Variants in GAD2 observed in about 807,000 individuals in gnomAD.
GAD2 encodes the protein 65 kDa glutamic acid decarboxylase.
A neutral mutation model predicts 80.1 loss-of-function variants in GAD2; 22 were observed. That is an observed-to-expected ratio of 0.27 (90% confidence interval 0.20 to 0.39). The LOEUF (loss-of-function observed/expected upper bound fraction) is 0.39, where lower values mean the gene tolerates loss of function less well. Among genes scored for constraint, GAD2 ranks in the 10% least tolerant of loss-of-function variants. GAD2 has a pLI of 1.00. For synonymous variants in GAD2, 274 were observed against 256.9 expected (o/e 1.07, Z -0.64); for missense variants, 624 against 738.4 (o/e 0.85, Z 1.80).
intron 7 of GAD2, among the ~76,000 whole-genome samples, chr10:26,243,040 A>AAAG (rs138127661): frequency 0.17 from 25,353 of 151,140 alleles, 3,244 homozygotes; most frequent in African/African-American, 0.37. Context: ...AATGCACAAA[A>AAAG]AACCCCCCCC....
intron 10 of GAD2, among the ~76,000 whole-genome samples, chr10:26,272,845 C>G (rs1845151879): frequency 6.6e-6 from 1 of 152,110 alleles, no homozygotes; most frequent in Non-Finnish European, 1.5e-5. Context: ...GCCTGGGCAA[C>G]AAGAGCAAAA....
chr10:26,274,869 G>T (rs1845180231), intron 11 of GAD2, among the ~76,000 whole-genome samples: 1 of 152,232 alleles, frequency 6.6e-6, no homozygotes, highest in African/African-American at 2.4e-5. Flanking sequence ...ATGTCAGAAG[G>T]GTCACTGTCC....
chr10:26,264,591 T>C (rs1321596396), intron 8 of GAD2, among the ~76,000 whole-genome samples: 1 of 152,134 alleles, frequency 6.6e-6, no homozygotes, highest in African/African-American at 2.4e-5. Context: ...ATAACAGGCG[T>C]GGAGCCACCA....
At chr10:26,233,835 G>A (rs1034317065) in intron 7 of GAD2, among the ~76,000 whole-genome samples, 17 of 152,266 alleles carry the variant, frequency 1.1e-4, no homozygotes, top group Middle Eastern at 3.4e-3. Flanking sequence ...TAATGGAGGG[G>A]CTGCTGTGTT....
chr10:26,286,567 CA>C, intron 13 of GAD2, 73 bp downstream of exon 13: 1 of 1,392,900 alleles, frequency 7.2e-7, no homozygotes, highest in Non-Finnish European at 9.5e-7. Context: ...TATGAAATGT[CA>C]AAAAAGTGAT....
rs986002005 is a variant in GAD2, at chr10:26,299,097, T to G, written c.1585-1691T>G. ...TGCTGGAATCATCCACGTTCATTTTTAGAGAAGGAAATTAGGTTCAGAATG... is the reference window on the plus strand; with the variant it reads ...TGCTGGAATCATCCACGTTCATTTTGAGAGAAGGAAATTAGGTTCAGAATG... On this transcript the variant is annotated intron_variant, in intron 15 of 15. Coordinates refer to ENST00000376261, the MANE Select transcript of GAD2 (RefSeq NM_001134366.2). Among the ~76,000 whole-genome samples the G allele has an allele frequency of 2.2e-4, 33 of 152,152 alleles. 1 individual carries two copies. The highest frequency in any genetic ancestry group is 8.0e-4 in the African/African-American group (33 of 41,448).
intron 8 of GAD2, among the ~76,000 whole-genome samples, chr10:26,255,213 C>T (rs1304594349): frequency 1.3e-5 from 2 of 152,114 alleles, no homozygotes; most frequent in East Asian, 1.9e-4. Flanking sequence ...ACCGGGGCCA[C>T]GAGGGCCATG....
chr10:26,288,282 T>C (rs1344923374), intron 13 of GAD2, among the ~76,000 whole-genome samples: 1 of 152,204 alleles, frequency 6.6e-6, no homozygotes, highest in Non-Finnish European at 1.5e-5. Flanking sequence ...CAGGGAAGCC[T>C]CCTTAATACT....
At chr10:26,219,966 A>T (rs1378337043) in intron 4 of GAD2, among the ~76,000 whole-genome samples, 1 of 152,058 alleles carries the variant, frequency 6.6e-6, no homozygotes, top group Non-Finnish European at 1.5e-5. Context: ...TTAGGGGGAA[A>T]TTTTTTTAAA....
chr10:26,229,330 C>T (rs1844569360), intron 6 of GAD2, among the ~76,000 whole-genome samples: 1 of 151,472 alleles, frequency 6.6e-6, no homozygotes, highest in African/African-American at 2.4e-5. Context: ...GAATTTTACA[C>T]ACCTAGTGCA....
chr10:26,223,783 T>C (rs1322716471), intron 4 of GAD2, 104 bp from the exon 5 acceptor site: 2 of 706,106 alleles, frequency 2.8e-6, no homozygotes, highest in African/African-American at 3.5e-5. Context: ...GATTTCCTGT[T>C]ACTGACAGAT....
intron 4 of GAD2, 114 bp from the exon 5 acceptor site, chr10:26,223,773 G>C (rs957020872): frequency 3.1e-6 from 2 of 636,204 alleles, no homozygotes; most frequent in Non-Finnish European, 5.6e-6. Context: ...TCTACTTATG[G>C]ATTTCCTGTT....
At position 26,302,445 on chromosome 10, in the gene GAD2, T is replaced by A. The variant is rs369992086; in HGVS notation, c.*1484T>A. On this transcript the variant is annotated 3_prime_UTR_variant, in exon 16 of 16. Coordinates refer to ENST00000376261, the MANE Select transcript of GAD2 (RefSeq NM_001134366.2). ...TCCCTGTGAACCTGATAGAAAAACATGAGCTAACAAAAGCTTCCATAGATA... is the reference window on the plus strand; with the variant it reads ...TCCCTGTGAACCTGATAGAAAAACAAGAGCTAACAAAAGCTTCCATAGATA... 18 of 152,312 alleles carry A rather than the reference T, an allele frequency of 1.2e-4. 1 individual carries two copies. The South Asian group carries it at 1.9e-3, about 16-fold the overall frequency. 9.4% of individuals were successfully genotyped at this position (152,312 alleles called of 1,614,324 possible). A position where few individuals can be genotyped will look rare whatever the true frequency, so the allele number is the denominator to read the frequency against.
chr10:26,223,801 G>A, intron 4 of GAD2, 86 bp from the exon 5 acceptor site: 1 of 826,074 alleles, frequency 1.2e-6, no homozygotes, highest in South Asian at 1.7e-5. Context: ...GATCTTTCAA[G>A]GTCCTTTAGC....
chr10:26,236,434 G>A (rs1844673091), intron 7 of GAD2, among the ~76,000 whole-genome samples: 1 of 151,772 alleles, frequency 6.6e-6, no homozygotes, highest in Admixed American at 6.6e-5. Context: ...CCAAGTAGCT[G>A]GAATTACAGG....
At chr10:26,230,116 C>T (rs567566323) in intron 7 of GAD2, among the ~76,000 whole-genome samples, 2 of 151,924 alleles carry the variant, frequency 1.3e-5, no homozygotes, top group Non-Finnish European at 2.9e-5. Context: ...TGCAGTGAGC[C>T]GTGATTGCAC....
At chr10:26,270,260 T>C (rs1564667452) in intron 9 of GAD2, among the ~76,000 whole-genome samples, 1 of 152,224 alleles carries the variant, frequency 6.6e-6, no homozygotes, top group Non-Finnish European at 1.5e-5. Flanking sequence ...AGGGGATTTA[T>C]GAAGTTCAGA....
At chr10:26,236,688 T>C (rs1844676627) in intron 7 of GAD2, among the ~76,000 whole-genome samples, 1 of 152,242 alleles carries the variant, frequency 6.6e-6, no homozygotes, top group South Asian at 2.1e-4. Context: ...AACAGTGACC[T>C]GTTTGGAAAC....
At chr10:26,224,493 T>C (rs769776921) in intron 5 of GAD2, 46 bp from the exon 6 acceptor site, 2 of 1,087,128 alleles carry the variant, frequency 1.8e-6, no homozygotes, top group East Asian at 2.4e-5. Context: ...TTGTAAATTA[T>C]TTATCTGAGT....
Sources: allele counts gnomAD v4.1 joint callset (sites outside exome capture counted in the v4.1 genomes callset), GRCh38; gene constraint gnomAD v4.1.1; transcripts MANE v1.5; gene names NCBI Gene and HGNC (gene_info 2026-07-23, HGNC 2026-07-21).